The following CFAP74 variants were observed in gnomAD, a reference collection of about 807,000 sequenced individuals.
The protein encoded by CFAP74 is cilia and flagella associated protein 74.
In CFAP74, 124 loss-of-function variants were observed where a neutral mutation model predicts 188.9. The observed-to-expected ratio is 0.66, with a 90% CI of 0.57 to 0.76. The LOEUF (loss-of-function observed/expected upper bound fraction) is 0.76, where lower values mean the gene tolerates loss of function less well. Among genes scored for constraint, CFAP74 ranks in the 30% least tolerant of loss-of-function variants. The pLI, the probability that CFAP74 is intolerant of heterozygous loss-of-function variation, is 0.00. For missense variants in CFAP74, 2,198 were observed against 2,165.2 expected (o/e 1.02, Z -0.30); for synonymous variants, 956 against 916.7 (o/e 1.04, Z -0.77).
At chr1:1,983,270 T>C (rs1203082999) in intron 6 of CFAP74, among the ~76,000 whole-genome samples, 1 of 152,188 alleles carries the variant, frequency 6.6e-6, no homozygotes, top group Non-Finnish European at 1.5e-5. Context: ...CCAGCGCTCG[T>C]GTGAAAGGGG....
intron 18 of CFAP74, among the ~76,000 whole-genome samples, chr1:1,952,854 C>T (rs1654290072): frequency 6.6e-6 from 1 of 152,062 alleles, no homozygotes; most frequent in Non-Finnish European, 1.5e-5. Context: ...GATGGAGTCT[C>T]CCTATGTTTC....
At position 1,966,526 on chromosome 1, in the gene CFAP74, C is replaced by A. The variant is rs763230262; in HGVS notation, c.1246G>T (p.Asp416Tyr). 4 of 1,548,054 alleles carry A rather than the reference C, an allele frequency of 2.6e-6. No individual in the cohort carries two copies. The highest frequency in any genetic ancestry group is 1.2e-5 in the South Asian group (1 of 83,516). The change falls in exon 12 of 39, where the codon GAC (aspartate) becomes TAC (tyrosine). Residue 416 changes from aspartate (D) to tyrosine (Y), a missense_variant and splice_region_variant. Asp to Tyr is a radical substitution (Grantham distance 160, BLOSUM62 -3). Coordinates refer to ENST00000682832, the MANE Select transcript of CFAP74 (RefSeq NM_001304360.2). ...CCGGGGCCTGCAGCAGCCTCGTAGT[C>A]CTGCAGTCGGGGAGAGGAACATCGC... ...TTVPTNTYTL[D>Y]YEAAAGPGPS...
chr1:1,966,992 A>G (rs1422874111), intron 11 of CFAP74, among the ~76,000 whole-genome samples: 3 of 152,056 alleles, frequency 2.0e-5, no homozygotes, highest in Non-Finnish European at 4.4e-5. Flanking sequence ...GCCCGCCACC[A>G]CACCCAGCTA....
intron 6 of CFAP74, among the ~76,000 whole-genome samples, chr1:1,983,053 G>A (rs769152598): frequency 2.6e-5 from 4 of 152,182 alleles, no homozygotes; most frequent in Non-Finnish European, 5.9e-5. Flanking sequence ...AACGCAAGGC[G>A]GCTGGAGCAC....
At position 1,928,783 on chromosome 1, in the gene CFAP74, C is replaced by T. The variant is rs1223621819; in HGVS notation, c.3387+1G>A. 4 of 1,535,034 alleles carry T rather than the reference C, an allele frequency of 2.6e-6. No homozygotes were observed. In the East Asian group the frequency reaches 7.3e-5, roughly 28 times the overall value. On this transcript the variant is annotated splice_donor_variant, in intron 27 of 38. Coordinates refer to ENST00000682832, the MANE Select transcript of CFAP74 (RefSeq NM_001304360.2). LOFTEE classifies it high-confidence loss of function. ...GCCCCTCCTTCCCGGGCCCCACGCA[C>T]AGATTTGGTCTCCATTTCTTTGTTC...
At chr1:1,965,194 A>G in intron 12 of CFAP74, 133 bp from the exon 13 acceptor site, 1 of 837,866 alleles carries the variant, frequency 1.2e-6, no homozygotes, top group South Asian at 1.9e-5. Flanking sequence ...CCAGCGCTGG[A>G]GCTGGGAAGA....
At chr1:1,957,528 C>G (rs552552763) in intron 16 of CFAP74, among the ~76,000 whole-genome samples, 5 of 152,262 alleles carry the variant, frequency 3.3e-5, no homozygotes, top group Admixed American at 3.3e-4. Flanking sequence ...CCTGGACGCT[C>G]CCCTGGGAGA....
chr1:1,940,500 G>T, intron 22 of CFAP74, 97 bp from the exon 23 acceptor site: 1 of 823,456 alleles, frequency 1.2e-6, no homozygotes, highest in Non-Finnish European at 1.8e-6. Context: ...TCCCGTGAGA[G>T]CTACGGCGTC....
chr1:1,956,320 C>T (rs571101365), intron 17 of CFAP74, among the ~76,000 whole-genome samples: 2 of 152,260 alleles, frequency 1.3e-5, no homozygotes, highest in South Asian at 4.1e-4. Flanking sequence ...AGAGATGCGT[C>T]GGGGGAGGCT....
chr1:1,982,078 T>C (rs61776988), intron 6 of CFAP74, among the ~76,000 whole-genome samples: 1,612 of 17,362 alleles, frequency 0.093, no homozygotes, highest in Middle Eastern at 0.17. Flanking sequence ...CGTGGTCACA[T>C]GCGGGGACAC....
intron 1 of CFAP74, among the ~76,000 whole-genome samples, chr1:2,002,204 A>G (rs1474643691): frequency 6.6e-6 from 1 of 152,126 alleles, no homozygotes; most frequent in African/African-American, 2.4e-5. Flanking sequence ...ATCCTTCACG[A>G]GAAGTTTTTT....
At chr1:1,991,485 C>T (rs1267668521) in intron 1 of CFAP74, among the ~76,000 whole-genome samples, 6 of 152,256 alleles carry the variant, frequency 3.9e-5, no homozygotes, top group Non-Finnish European at 7.4e-5. Context: ...TGCCTATAAT[C>T]CCAGCTACTC....
chr1:1,972,121 C>T, intron 8 of CFAP74, 39 bp from the exon 9 acceptor site: 9 of 1,519,432 alleles, frequency 5.9e-6, no homozygotes, highest in Non-Finnish European at 8.2e-6. Flanking sequence ...GGCTCTGTCG[C>T]CCAGGCTGGT....
Position 1,932,352 on chromosome 1 carries a change from G to A in CFAP74, c.3012-2016C>T, listed in dbSNP as rs186153201. ...GCGGAGCTTGCAGTGAGCCGAGATCGCGCCACCGCACTCCAGCCTGGGTGA... is the reference window on the plus strand; with the variant it reads ...GCGGAGCTTGCAGTGAGCCGAGATCACGCCACCGCACTCCAGCCTGGGTGA... On this transcript the variant is annotated intron_variant, in intron 25 of 38. Coordinates refer to ENST00000682832, the MANE Select transcript of CFAP74 (RefSeq NM_001304360.2). Among the ~76,000 whole-genome samples the A allele has an allele frequency of 2.4e-3, 355 of 149,846 alleles. 1 individual carries two copies. The highest frequency in any genetic ancestry group is 8.0e-3 in the African/African-American group (328 of 40,866).
intron 25 of CFAP74, among the ~76,000 whole-genome samples, chr1:1,932,806 A>C (rs2102037157): frequency 6.6e-6 from 1 of 151,112 alleles, no homozygotes; most frequent in East Asian, 2.0e-4. Context: ...GTTAGCCAGG[A>C]TGGTCTCGAT....
chr1:1,939,732 G>A lies in CFAP74; in HGVS notation c.2739C>T (p.Val913=), dbSNP rs1329424324. 5.9e-6 allele frequency: 9 copies of A among 1,536,098 alleles called. No homozygotes were observed. The highest frequency in any genetic ancestry group is 7.8e-6 in the Non-Finnish European group (9 of 1,146,876). The part of the protein sequence containing the change: ...KPVGFTVHAI[V]TTSDLELSPS... Reference sequence around the variant, plus strand: ...GACTGAGCTCCAGGTCCGAGGTGGTGACAATGGCATGCACGGTGAATCCCA... The same window carrying A: ...GACTGAGCTCCAGGTCCGAGGTGGTAACAATGGCATGCACGGTGAATCCCA... The change falls in exon 24 of 39, where the codon GTC becomes GTT. Residue 913 remains valine, a synonymous_variant. Transcript: ENST00000682832.
Position 1,965,849 on chromosome 1 carries a change from G to A in CFAP74, c.1401+522C>T, listed in dbSNP as rs192651492. Among the ~76,000 whole-genome samples, 114 of 152,326 alleles carry A rather than the reference G, an allele frequency of 7.5e-4. 1 individual carries two copies. The highest frequency in any genetic ancestry group is 9.1e-4 in the Non-Finnish European group (62 of 68,032). ...TGGCCAATGCTTACAGAAACCGGGCGGCGGGCATTGCCCTCCCACGTGGGA... is the reference window on the plus strand; with the variant it reads ...TGGCCAATGCTTACAGAAACCGGGCAGCGGGCATTGCCCTCCCACGTGGGA... On this transcript the variant is annotated intron_variant, in intron 12 of 38. Coordinates refer to ENST00000682832, the MANE Select transcript of CFAP74 (RefSeq NM_001304360.2).
Position 1,969,985 on chromosome 1 carries a change from C to T in CFAP74, c.1046+674G>A, listed in dbSNP as rs78340018. Among the ~76,000 whole-genome samples the T allele has an allele frequency of 9.2e-3, 1,405 of 152,326 alleles. 71 individuals are homozygous for T. In the East Asian group the frequency reaches 0.14, roughly 15 times the overall value. Reference sequence around the variant, plus strand: ...GCGTGGAGGTCACTGGGGAGCGTTACGGGCAGGGCTGGGAAAGGCGAGACT... The same window carrying T: ...GCGTGGAGGTCACTGGGGAGCGTTATGGGCAGGGCTGGGAAAGGCGAGACT... On this transcript the variant is annotated intron_variant, in intron 10 of 38. Transcript: ENST00000682832.
rs371299346 is a variant in CFAP74 at position 1,960,040 on chromosome 1, G to A, written c.1695-10C>T. 1.6e-5 allele frequency: 26 copies of A among 1,593,226 alleles called. No homozygotes were observed. The highest frequency in any genetic ancestry group is 2.4e-5 in the East Asian group (1 of 42,318). ...GCCAGGGGGGTCAAAGCTGCAGGAC[G>A]TGACCCATAGCACACGGGGGTTAGT... On this transcript the variant is annotated splice_polypyrimidine_tract_variant and intron_variant, in intron 14 of 38. Transcript: ENST00000682832.
Sources: allele counts gnomAD v4.1 joint callset (sites outside exome capture counted in the v4.1 genomes callset), GRCh38; gene constraint gnomAD v4.1.1; transcripts MANE v1.5; gene names NCBI Gene and HGNC (gene_info 2026-07-23, HGNC 2026-07-21).